CISD1: variants seen among roughly 807,000 people sequenced by gnomAD.
CISD1 encodes CDGSH iron-sulfur domain-containing protein 1.
CISD1 carries 8 observed loss-of-function variants against 12.0 expected under a neutral mutation model. The observed-to-expected ratio is 0.67, with a 90% CI of 0.39 to 1.20. The LOEUF (loss-of-function observed/expected upper bound fraction) is 1.20, where lower values mean the gene tolerates loss of function less well. Among genes scored for constraint, CISD1 ranks in the 50% most tolerant of loss-of-function variants. The probability of loss-of-function intolerance (pLI) is 0.01; values close to 1 mark genes in which losing one functional copy is unlikely to be tolerated. For synonymous variants in CISD1, 38 were observed against 42.2 expected, an observed-to-expected ratio of 0.90 and a Z score of 0.39; for missense variants, 107 against 132.7, an observed-to-expected ratio of 0.81 and a Z score of 0.95.
chr10:58,271,250 G>A (rs1446846956), intron 1 of CISD1, among the ~76,000 whole-genome samples: 2 of 64 alleles, frequency 0.031, no homozygotes, highest in South Asian at 0.25. Context: ...CGTTTTAGCC[G>A]GGATGGCTCT....
At chr10:58,283,864 C>T (rs1469333934) in intron 2 of CISD1, among the ~76,000 whole-genome samples, 1 of 152,186 alleles carries the variant, frequency 6.6e-6, no homozygotes, top group Admixed American at 6.5e-5. Flanking sequence ...ATTTGATTTA[C>T]AGACTTTTTC....
chr10:58,269,677 T>G (rs775477464), intron 1 of CISD1, among the ~76,000 whole-genome samples: 9 of 152,220 alleles, frequency 5.9e-5, no homozygotes, highest in Non-Finnish European at 1.0e-4. Context: ...CTGTTTGCCC[T>G]TCTCATGTTT....
In CISD1 at chr10:58,277,276, A is replaced by T. The variant is rs1381012333; in HGVS notation, c.191A>T (p.Asp64Val). 1 of 1,610,494 alleles carries T rather than the reference A, an allele frequency of 6.2e-7. No individual in the cohort carries two copies. Among genetic ancestry groups the T allele is most frequent in the Admixed American group, 1.7e-5 (1 of 59,336 alleles). The change falls in exon 2 of 3, where the codon GAT becomes GTT. Residue 64 changes from aspartate to valine, a missense_variant. Coordinates refer to ENST00000333926, the MANE Select transcript of CISD1 (RefSeq NM_018464.5). ...PKIVHAFDME[D>V]LGDKAVYCRC... ...ATAGTACATGCTTTTGACATGGAGG[A>T]TTTGGGAGATAAAGCTGTGTACTGC...
chr10:58,277,799 T>G (rs894224431), intron 2 of CISD1, among the ~76,000 whole-genome samples: 2 of 152,098 alleles, frequency 1.3e-5, no homozygotes, highest in Non-Finnish European at 2.9e-5. Flanking sequence ...TTTCTTAGCT[T>G]CCACTGTCCC....
intron 2 of CISD1, among the ~76,000 whole-genome samples, chr10:58,285,333 C>T (rs1839416844): frequency 6.6e-6 from 1 of 152,074 alleles, no homozygotes; most frequent in African/African-American, 2.4e-5. Context: ...ATTAAGTAGC[C>T]TTTTGGATAT....
At chr10:58,282,318 A>G (rs1839382284) in intron 2 of CISD1, among the ~76,000 whole-genome samples, 1 of 152,184 alleles carries the variant, frequency 6.6e-6, no homozygotes, top group African/African-American at 2.4e-5. Flanking sequence ...GATTGGTTCC[A>G]GGACCTCCCA....
chr10:58,275,796 A>C (rs1362768914), intron 1 of CISD1, among the ~76,000 whole-genome samples: 1 of 152,202 alleles, frequency 6.6e-6, no homozygotes, highest in Admixed American at 6.5e-5. Context: ...TATTAAATAA[A>C]CTAGAAAAGA....
At chr10:58,287,123 G>A (rs1839437257) in intron 2 of CISD1, among the ~76,000 whole-genome samples, 1 of 152,098 alleles carries the variant, frequency 6.6e-6, no homozygotes. Flanking sequence ...GTTTCACCAT[G>A]TTGGCCAGGC....
rs778566882 is a variant in CISD1 at position 58,277,234 on chromosome 10, A to C, written c.149A>C (p.Gln50Pro). ...RNKAMINLHI[Q>P]KDNPKIVHAF... is the part of the protein sequence containing the mutation. ...AAAGCTATGATAAACCTTCACATCC[A>C]GAAAGACAACCCCAAGATAGTACAT... Residue 50 changes from glutamine to proline, a missense_variant, in exon 2 of 3, where the codon CAG becomes CCG. By Grantham distance (76) the Gln-to-Pro change is moderately conservative. Coordinates refer to ENST00000333926, the MANE Select transcript of CISD1 (RefSeq NM_018464.5). 1 of 1,613,386 alleles carries C rather than the reference A, an allele frequency of 6.2e-7. No homozygotes were observed. The highest frequency in any genetic ancestry group is 8.5e-7 in the Non-Finnish European group (1 of 1,179,610).
At chr10:58,283,059 G>A (rs1402940675) in intron 2 of CISD1, 1 of 151,394 alleles carries the variant, frequency 6.6e-6, no homozygotes, top group Admixed American at 6.6e-5. Flanking sequence ...GACATGTTTA[G>A]ACTCATTTTC....
At chr10:58,273,848 C>T (rs1240519315) in intron 1 of CISD1, among the ~76,000 whole-genome samples, 2 of 152,076 alleles carry the variant, frequency 1.3e-5, no homozygotes, top group Non-Finnish European at 2.9e-5. Context: ...AAAAGAAAAG[C>T]GAGGGCTGGT....
intron 1 of CISD1, chr10:58,273,541 G>GAA (rs397784603): frequency 0.068 from 9,882 of 145,360 alleles, 393 homozygotes; most frequent in Non-Finnish European, 0.092. Flanking sequence ...CACAGTAAAA[G>GAA]AAAAAAAAAA....
chr10:58,276,279 T>C (rs1839314116), intron 1 of CISD1: 1 of 152,182 alleles, frequency 6.6e-6, no homozygotes, highest in South Asian at 2.1e-4. Context: ...CTAGATGGCT[T>C]GTTAGTCAGT....
intron 1 of CISD1, among the ~76,000 whole-genome samples, chr10:58,274,338 TG>T (rs1180696795): frequency 6.6e-6 from 1 of 152,018 alleles, no homozygotes; most frequent in Non-Finnish European, 1.5e-5. Context: ...TGTCTATCTC[TG>T]TATAGTTTCC....
chr10:58,286,954 A>C (rs535057219), intron 2 of CISD1, among the ~76,000 whole-genome samples: 31 of 152,098 alleles, frequency 2.0e-4, no homozygotes, highest in African/African-American at 7.0e-4. Context: ...TTTATTTTTT[A>C]TTTTTATGTT....
intron 1 of CISD1, among the ~76,000 whole-genome samples, chr10:58,273,929 T>A (rs1051463719): frequency 4.0e-5 from 6 of 151,378 alleles, no homozygotes; most frequent in African/African-American, 1.5e-4. Context: ...AGGTCAGGAG[T>A]TCAAGACCGG....
chr10:58,287,056 G>T (rs925838058), intron 2 of CISD1, among the ~76,000 whole-genome samples: 3 of 152,126 alleles, frequency 2.0e-5, no homozygotes, highest in Non-Finnish European at 4.4e-5. Context: ...GAGTAGCTGG[G>T]ATTATGCGCA....
intron 2 of CISD1, among the ~76,000 whole-genome samples, chr10:58,280,301 G>T (rs755068587): frequency 6.6e-6 from 1 of 152,168 alleles, no homozygotes; most frequent in Non-Finnish European, 1.5e-5. Context: ...TTTTACCGGG[G>T]TGCTAGCTAT....
intron 1 of CISD1, among the ~76,000 whole-genome samples, chr10:58,271,956 A>G (rs1242958408): frequency 6.6e-6 from 1 of 152,002 alleles, no homozygotes; most frequent in Non-Finnish European, 1.5e-5. Flanking sequence ...GTCTCTTATG[A>G]TTCCTCCTCA....
Sources: allele counts gnomAD v4.1 joint callset (sites outside exome capture counted in the v4.1 genomes callset), GRCh38; gene constraint gnomAD v4.1.1; transcripts MANE v1.5; gene names NCBI Gene and HGNC (gene_info 2026-07-23, HGNC 2026-07-21).